SERPINB6: variants seen among roughly 807,000 people sequenced by gnomAD.
SERPINB6 encodes serpin family B member 6, also known as serpin B6.
In SERPINB6, 16 loss-of-function variants were observed where a neutral mutation model predicts 26.1. That is an observed-to-expected ratio of 0.61 (90% CI 0.42 to 0.93). The LOEUF (loss-of-function observed/expected upper bound fraction) is 0.93. Ranked by LOEUF, SERPINB6 falls within the 40% of genes least tolerant of loss-of-function variation. The pLI is 0.00. For missense variants in SERPINB6, 420 were observed against 478.0 expected (o/e 0.88, Z 1.13); for synonymous variants, 174 against 176.6 (o/e 0.99, Z 0.11).
intron 5 of SERPINB6, among the ~76,000 whole-genome samples, chr6:2,949,926 C>T (rs1247413423): frequency 1.3e-5 from 2 of 152,184 alleles, no homozygotes; most frequent in African/African-American, 2.4e-5. Context: ...CTCATCTCTA[C>T]GCAGTAAGCT....
chr6:2,969,602 T>G (rs1016530812), intron 1 of SERPINB6: 2 of 985,432 alleles, frequency 2.0e-6, no homozygotes, highest in African/African-American at 3.5e-5. Flanking sequence ...ATTGATTTTA[T>G]TCAACTAATC....
At chr6:2,965,113 C>T (rs375595016) in intron 1 of SERPINB6, among the ~76,000 whole-genome samples, 1 of 152,202 alleles carries the variant, frequency 6.6e-6, no homozygotes, top group African/African-American at 2.4e-5. Context: ...GATGGGAACC[C>T]ATTTCCTTTT....
chr6:2,961,975 C>G, intron 1 of SERPINB6: 1 of 985,054 alleles, frequency 1.0e-6, no homozygotes, highest in Non-Finnish European at 1.2e-6. Flanking sequence ...ATCTTCCTGC[C>G]TCAGCCTCCC....
rs532001805 is a variant in SERPINB6, at chr6:2,961,893, C to T, written c.-10-2551G>A. On this transcript the variant is annotated intron_variant, in intron 1 of 6. Transcript: ENST00000380539. ...CCCCTCAAATGCTGAAGGACTCTTA[C>T]GCTTTTTTTTTTGTAGAGACAAGGT... 22 of 984,986 alleles carry T rather than the reference C, an allele frequency of 2.2e-5. No homozygotes were observed. In the South Asian group the frequency reaches 3.8e-4, roughly 17 times the overall value. The allele number at this position is 984,986 out of a possible 1,614,324, so 61.0% of individuals were successfully genotyped here.
At chr6:2,963,533 C>G (rs923170968) in intron 1 of SERPINB6, 1 of 152,222 alleles carries the variant, frequency 6.6e-6, no homozygotes, top group Non-Finnish European at 1.5e-5. Context: ...ATTAAAGATG[C>G]CTTTTCAAAC....
chr6:2,949,533 G>C (rs1252092703), intron 5 of SERPINB6, among the ~76,000 whole-genome samples: 2 of 152,214 alleles, frequency 1.3e-5, no homozygotes, highest in Admixed American at 1.3e-4. Flanking sequence ...AAAAGCCCTG[G>C]AGTGCCCCTG....
rs1160089105 is a variant in SERPINB6, at chr6:2,948,649, G to A, written c.780C>T (p.Asp260=). 1.2e-6 allele frequency: 2 copies of A among 1,614,122 alleles called. No individual in the cohort carries two copies. Among genetic ancestry groups the A allele is most frequent in the African/African-American group, 2.7e-5 (2 of 75,032 alleles). The change falls in exon 7 of 7, where the codon GAC becomes GAT. Residue 260 remains aspartate (D), a synonymous_variant. Coordinates refer to ENST00000380539, the MANE Select transcript of SERPINB6 (RefSeq NM_004568.6). This position sits in a 1 kb window ranked among gnomAD's most constrained non-coding sequence, Gnocchi z 5.0. ...YEKFVEWTRL[D]MMDEEEVEVS... is the part of the protein sequence containing the mutation. ...CTTCCACCTCCTCTTCATCCATCAT[G>A]TCCAGCCTCGTCCATTCTACGAACT...
intron 1 of SERPINB6, among the ~76,000 whole-genome samples, chr6:2,962,499 G>A (rs149523670): frequency 6.6e-6 from 1 of 152,292 alleles, no homozygotes; most frequent in East Asian, 1.9e-4. Flanking sequence ...CTCTCTGTAT[G>A]AGGAAAAGCA....
intron 5 of SERPINB6, among the ~76,000 whole-genome samples, chr6:2,950,750 C>T (rs1769698809): frequency 6.6e-6 from 1 of 152,214 alleles, no homozygotes; most frequent in South Asian, 2.1e-4. Flanking sequence ...TGACTCGGAG[C>T]TGCTCCTGTG....
At chr6:2,955,207 A>AAC (rs1186007501) in intron 3 of SERPINB6, 24 of 347,846 alleles carry the variant, frequency 6.9e-5, no homozygotes, top group Non-Finnish European at 1.2e-4. Context: ...AAAAAACAAA[A>AAC]AAAAAAAAGC....
intron 3 of SERPINB6, 41 bp downstream of exon 3, chr6:2,955,483 C>A (rs1431173755): frequency 4.3e-6 from 7 of 1,613,802 alleles, no homozygotes; most frequent in Non-Finnish European, 5.9e-6. Flanking sequence ...ACTACCTGGC[C>A]ACCTTTATTT....
In SERPINB6 at chr6:2,969,819, G is replaced by A. The variant is rs534165026; in HGVS notation, c.-11+1714C>T. On this transcript the variant is annotated intron_variant, in intron 1 of 6. Coordinates refer to ENST00000380539, the MANE Select transcript of SERPINB6 (RefSeq NM_004568.6). Reference sequence around the variant, plus strand: ...TGTATGTGTTTAATATATCTGAGCAGCCTAACATATAAATGGGAGTTAAAC... The same window carrying A: ...TGTATGTGTTTAATATATCTGAGCAACCTAACATATAAATGGGAGTTAAAC... The A allele has an allele frequency of 9.2e-6, 9 of 980,970 alleles. 1 individual carries two copies. In the South Asian group the frequency reaches 3.8e-4, roughly 41 times the overall value. The allele number at this position is 980,970 out of a possible 1,614,324, so 60.8% of individuals were successfully genotyped here.
At chr6:2,961,833 C>T in intron 1 of SERPINB6, 1 of 984,852 alleles carries the variant, frequency 1.0e-6, no homozygotes, top group Non-Finnish European at 1.2e-6. Flanking sequence ...TCCCCCAACC[C>T]CATCCTAGAC....
intron 1 of SERPINB6, chr6:2,970,680 T>C: frequency 7.4e-6 from 9 of 1,215,782 alleles, no homozygotes; most frequent in Non-Finnish European, 9.2e-6. Flanking sequence ...GAACATTAAT[T>C]ATTAATTTTC....
chr6:2,954,385 CAG>C (rs1400546427), intron 4 of SERPINB6, among the ~76,000 whole-genome samples: 1 of 152,134 alleles, frequency 6.6e-6, no homozygotes, highest in Non-Finnish European at 1.5e-5. Flanking sequence ...ACCAAGGAAA[CAG>C]GGAGAAATCA....
In SERPINB6 at chr6:2,955,512, A is replaced by C. The variant is rs751922620; in HGVS notation, c.312+12T>G. On this transcript the variant is annotated intron_variant, in intron 3 of 6. Transcript: ENST00000380539. ...TTTATTTCTTTAGTGAATAAGAGCAAGTATGACTTACTGAGAGGAAATCAC... is the reference window on the plus strand; with the variant it reads ...TTTATTTCTTTAGTGAATAAGAGCACGTATGACTTACTGAGAGGAAATCAC... 1 of 1,614,188 alleles carries C rather than the reference A, an allele frequency of 6.2e-7. No individual in the cohort carries two copies. The highest frequency in any genetic ancestry group is 8.5e-7 in the Non-Finnish European group (1 of 1,180,026).
intron 1 of SERPINB6, chr6:2,963,612 A>G (rs1368626381): frequency 6.6e-6 from 1 of 152,330 alleles, no homozygotes; most frequent in Admixed American, 6.5e-5. Flanking sequence ...TTCTCACGCC[A>G]TGCAAGTAAT....
At chr6:2,962,707 T>G (rs183103245) in intron 1 of SERPINB6, among the ~76,000 whole-genome samples, 339 of 152,368 alleles carry the variant, frequency 2.2e-3, no homozygotes, top group Non-Finnish European at 3.5e-3. Flanking sequence ...TAAAAATTGC[T>G]GAGCAACAAA....
intron 5 of SERPINB6, 83 bp from the exon 6 acceptor site, chr6:2,949,152 T>C (rs1769483962): frequency 6.6e-7 from 1 of 1,504,868 alleles, no homozygotes. Flanking sequence ...GGCCACTCTC[T>C]GCAGGGAGAA....
Sources: allele counts gnomAD v4.1 joint callset (sites outside exome capture counted in the v4.1 genomes callset), GRCh38; gene constraint gnomAD v4.1.1; non-coding constraint Gnocchi (gnomAD v3.1); transcripts MANE v1.5; gene names NCBI Gene and HGNC (gene_info 2026-07-23, HGNC 2026-07-21).